The following FCHSD2 variants were observed in gnomAD, a reference collection of about 807,000 sequenced individuals.
FCHSD2 encodes FCH and double SH3 domains 2.
A neutral mutation model predicts 108.1 loss-of-function variants in FCHSD2; 38 were observed. The observed-to-expected ratio is 0.35, with a 90% CI of 0.27 to 0.46. The LOEUF (loss-of-function observed/expected upper bound fraction) is 0.46. Ranked by LOEUF, FCHSD2 falls within the 20% of genes least tolerant of loss-of-function variation. FCHSD2 has a pLI of 1.00. For synonymous variants in FCHSD2, 279 were observed against 314.7 expected, an observed-to-expected ratio of 0.89 and a Z score of 1.20; for missense variants, 751 against 897.8, an observed-to-expected ratio of 0.84 and a Z score of 2.09.
At chr11:72,928,899 T>C (rs2135322265) in intron 8 of FCHSD2, among the ~76,000 whole-genome samples, 1 of 148,824 alleles carries the variant, frequency 6.7e-6, no homozygotes, top group African/African-American at 2.5e-5. Flanking sequence ...CAGTCCCCGA[T>C]GTGTGATGTT....
chr11:73,030,038 C>T (rs923712328), intron 3 of FCHSD2, among the ~76,000 whole-genome samples: 1 of 152,140 alleles, frequency 6.6e-6, no homozygotes, highest in Non-Finnish European at 1.5e-5. Context: ...ACAACAACAA[C>T]AACAAAAATC....
intron 18 of FCHSD2, 104 bp downstream of exon 18, chr11:72,841,340 CAAAAAAAAAA>C (rs59748827): frequency 5.9e-5 from 22 of 373,846 alleles, no homozygotes; most frequent in African/African-American, 1.9e-4. Flanking sequence ...ACTCTGTCTC[CAAAAAAAAAA>C]AAAAAAAAAA....
chr11:72,855,716 T>C (rs1175093798), intron 13 of FCHSD2, among the ~76,000 whole-genome samples: 1 of 152,146 alleles, frequency 6.6e-6, no homozygotes, highest in African/African-American at 2.4e-5. Flanking sequence ...TGAAATGGCA[T>C]TGAGTGTAAA....
At chr11:72,866,077 G>A (rs1007394786) in intron 13 of FCHSD2, among the ~76,000 whole-genome samples, 1 of 152,166 alleles carries the variant, frequency 6.6e-6, no homozygotes. Flanking sequence ...GGTGCTAGCT[G>A]AAGGAAAATC....
chr11:72,855,690 A>G (rs1177152716), intron 13 of FCHSD2, among the ~76,000 whole-genome samples: 1 of 152,210 alleles, frequency 6.6e-6, no homozygotes, highest in Non-Finnish European at 1.5e-5. Context: ...ATCATAGCTA[A>G]AAGGCATTTA....
intron 3 of FCHSD2, among the ~76,000 whole-genome samples, chr11:73,046,090 A>G (rs1338774252): frequency 6.6e-6 from 1 of 151,816 alleles, no homozygotes; most frequent in Non-Finnish European, 1.5e-5. Flanking sequence ...TACTGGACTC[A>G]AGGGATACTG....
intron 12 of FCHSD2, among the ~76,000 whole-genome samples, chr11:72,873,943 A>T (rs4944812): frequency 2.6e-5 from 4 of 152,326 alleles, no homozygotes; most frequent in South Asian, 2.1e-4. Context: ...CCAAAAAAGG[A>T]TACTACCGTG....
intron 7 of FCHSD2, 109 bp from the exon 8 acceptor site, chr11:72,984,325 G>T: frequency 1.1e-6 from 1 of 938,622 alleles, no homozygotes; most frequent in Non-Finnish European, 1.7e-6. Flanking sequence ...AAGAATAAAG[G>T]TAACCACGTG....
chr11:73,125,862 C>A (rs80126159), intron 2 of FCHSD2, among the ~76,000 whole-genome samples: 2,048 of 152,276 alleles, frequency 0.013, 47 homozygotes, highest in African/African-American at 0.045. Context: ...ATATAAAACA[C>A]TTCTTTTAGT....
chr11:73,093,331 G>A (rs1009102022), intron 2 of FCHSD2, among the ~76,000 whole-genome samples: 1 of 152,138 alleles, frequency 6.6e-6, no homozygotes, highest in East Asian at 1.9e-4. Context: ...TGAGCTCTGA[G>A]AGTCCTGGCA....
At chr11:72,877,098 C>A (rs1854986877) in intron 12 of FCHSD2, among the ~76,000 whole-genome samples, 1 of 151,954 alleles carries the variant, frequency 6.6e-6, no homozygotes. Flanking sequence ...CCTCCTACCT[C>A]ACCTCAGCCT....
At chr11:72,838,967 A>T in intron 19 of FCHSD2, 93 bp from the exon 20 acceptor site, 1 of 1,109,058 alleles carries the variant, frequency 9.0e-7, no homozygotes, top group Non-Finnish European at 1.3e-6. Context: ...GTCCAAGGAC[A>T]TGGGCACCCT....
At chr11:73,011,626 C>T (rs1857865896) in intron 4 of FCHSD2, among the ~76,000 whole-genome samples, 1 of 152,138 alleles carries the variant, frequency 6.6e-6, no homozygotes, top group African/African-American at 2.4e-5. Flanking sequence ...CCAGCATGAG[C>T]TCCCTTCTTG....
intron 3 of FCHSD2, among the ~76,000 whole-genome samples, chr11:73,035,753 G>A (rs774031745): frequency 2.7e-5 from 4 of 148,818 alleles, no homozygotes; most frequent in South Asian, 2.1e-4. Flanking sequence ...ATGGAGTCTC[G>A]CTCTGTCACC....
At chr11:73,040,306 G>A (rs75589131) in intron 3 of FCHSD2, among the ~76,000 whole-genome samples, 337 of 152,018 alleles carry the variant, frequency 2.2e-3, no homozygotes, top group Non-Finnish European at 4.3e-3. Flanking sequence ...GCAGTCATGT[G>A]GAAAAACAAA....
intron 13 of FCHSD2, among the ~76,000 whole-genome samples, chr11:72,863,208 T>C (rs182761531): frequency 1.3e-5 from 2 of 152,082 alleles, no homozygotes; most frequent in East Asian, 3.9e-4. Flanking sequence ...ATTACAGGCA[T>C]AAGCCACTGT....
intron 4 of FCHSD2, among the ~76,000 whole-genome samples, chr11:73,013,167 T>C (rs1477228975): frequency 1.3e-5 from 2 of 152,208 alleles, no homozygotes; most frequent in Non-Finnish European, 1.5e-5. Context: ...CTATGATGTA[T>C]CCTTAATCTC....
chr11:72,901,083 G>A (rs369263755), intron 10 of FCHSD2, among the ~76,000 whole-genome samples: 1 of 152,128 alleles, frequency 6.6e-6, no homozygotes, highest in African/African-American at 2.4e-5. Context: ...GACGATTACT[G>A]TATGCTTTTA....
Position 73,140,145 on chromosome 11 carries a change from A to AT in FCHSD2, c.22-18dup. On this transcript the variant is annotated splice_polypyrimidine_tract_variant and intron_variant, in intron 1 of 19. Transcript: ENST00000409418. ...AACTTTCACCTAAAATATACCATAT[A>AT]TTTATGAAGGTCTTTTTACAAATTT... 1 of 1,421,814 alleles carries AT rather than the reference A, an allele frequency of 7.0e-7. No individual in the cohort carries two copies. The highest frequency in any genetic ancestry group is 9.5e-7 in the Non-Finnish European group (1 of 1,047,588). 88.1% of individuals were successfully genotyped at this position (1,421,814 alleles called of 1,614,324 possible). A position where few individuals can be genotyped will look rare whatever the true frequency, so the allele number is the denominator to read the frequency against.
Sources: gnomAD v4.1 joint callset for allele counts (sites outside exome capture counted in the v4.1 genomes callset) on GRCh38, gnomAD v4.1.1 for gene constraint, MANE v1.5 for transcripts, NCBI Gene and HGNC (gene_info 2026-07-23, HGNC 2026-07-21) for gene names.